The following CSMD2 variants were observed in gnomAD, a reference collection of about 807,000 sequenced individuals.
CSMD2 encodes CUB and Sushi multiple domains 2, also known as CUB and sushi domain-containing protein 2.
A neutral mutation model predicts 398.5 loss-of-function variants in CSMD2; 130 were observed. The observed-to-expected ratio is 0.33, with a 90% CI of 0.28 to 0.38. CSMD2 has a LOEUF of 0.38. Among genes scored for constraint, CSMD2 ranks in the 10% least tolerant of loss-of-function variants. CSMD2 has a pLI of 1.00. For missense variants in CSMD2, 3,829 were observed against 4,764.9 expected (o/e 0.80, Z 5.78); for synonymous variants, 1,828 against 1,908.5 (o/e 0.96, Z 1.10).
At chr1:33,768,492 C>T (rs902144204) in intron 13 of CSMD2, among the ~76,000 whole-genome samples, 4 of 151,664 alleles carry the variant, frequency 2.6e-5, no homozygotes, top group African/African-American at 9.7e-5. Context: ...AGACCAGATT[C>T]TTGCAGATCC....
intron 7 of CSMD2, among the ~76,000 whole-genome samples, chr1:33,823,378 G>A (rs1171084446): frequency 8.3e-6 from 1 of 120,438 alleles, no homozygotes; most frequent in South Asian, 3.2e-4. Context: ...GAGGCAAGAA[G>A]TGTTTCTCCC....
chr1:33,757,504 C>A (rs1649203178), intron 13 of CSMD2, among the ~76,000 whole-genome samples: 1 of 152,110 alleles, frequency 6.6e-6, no homozygotes, highest in African/African-American at 2.4e-5. Context: ...GCCCTTCCAT[C>A]ACCCAGGTAT....
chr1:33,587,782 G>A (rs1320771479), intron 44 of CSMD2, among the ~76,000 whole-genome samples: 2 of 152,208 alleles, frequency 1.3e-5, no homozygotes, highest in African/African-American at 4.8e-5. Context: ...TATGGGCAGA[G>A]ACTGGATGAT....
chr1:33,535,296 G>A (rs1037166618), intron 62 of CSMD2, among the ~76,000 whole-genome samples: 1 of 152,108 alleles, frequency 6.6e-6, no homozygotes, highest in African/African-American at 2.4e-5. Context: ...ACACCCCTCC[G>A]TAGTAATGGC....
rs1391645840 is a variant in CSMD2, at chr1:33,572,552, C to A, written c.7716G>T (p.Leu2572=). 1.2e-6 allele frequency: 2 copies of A among 1,613,962 alleles called. No homozygotes were observed. ...TGCGGTTGCTCCATAGGCCTGTGTC[C>A]AGACACTCTGCAGTGGCCTCAGCGC... The part of the protein sequence containing the change: ...QAGAEATAEC[L]DTGLWSNRNV... Residue 2572 remains leucine, a synonymous_variant, in exon 50 of 71, where the codon CTG becomes CTT. Transcript: ENST00000373381.
At chr1:33,685,328 G>C (rs1645031555) in intron 25 of CSMD2, among the ~76,000 whole-genome samples, 1 of 152,146 alleles carries the variant, frequency 6.6e-6, no homozygotes, top group Admixed American at 6.5e-5. Context: ...GCCAGCTTTA[G>C]TCCGTTTTTC....
chr1:34,034,447 A>G (rs1013659289), intron 2 of CSMD2, among the ~76,000 whole-genome samples: 1 of 152,194 alleles, frequency 6.6e-6, no homozygotes, highest in East Asian at 1.9e-4. Context: ...CTACTACAAT[A>G]TAAGCTTGAG....
At chr1:33,557,232 T>C (rs1364348879) in intron 55 of CSMD2, among the ~76,000 whole-genome samples, 2 of 152,180 alleles carry the variant, frequency 1.3e-5, no homozygotes, top group Non-Finnish European at 2.9e-5. Flanking sequence ...ACTGACGCTC[T>C]GAGAGGTTAG....
intron 12 of CSMD2, among the ~76,000 whole-genome samples, chr1:33,780,114 T>C (rs1652526367): frequency 6.6e-6 from 1 of 152,148 alleles, no homozygotes; most frequent in South Asian, 2.1e-4. Flanking sequence ...ATCCTGTGGG[T>C]TGTCAGCTCC....
chr1:33,578,985 A>G (rs1398595998), intron 48 of CSMD2, among the ~76,000 whole-genome samples: 3 of 152,220 alleles, frequency 2.0e-5, no homozygotes, highest in Non-Finnish European at 4.4e-5. Context: ...GTTGTAAAAT[A>G]TACTTAGTCA....
chr1:33,645,351 A>G (rs2148944892), intron 29 of CSMD2, among the ~76,000 whole-genome samples: 1 of 78,950 alleles, frequency 1.3e-5, no homozygotes, highest in East Asian at 4.9e-4. Flanking sequence ...TTATACACAC[A>G]CACACACACA....
chr1:33,756,928 C>G (rs1011607423), intron 13 of CSMD2, among the ~76,000 whole-genome samples: 1 of 152,086 alleles, frequency 6.6e-6, no homozygotes, highest in Non-Finnish European at 1.5e-5. Flanking sequence ...CAATGATAGA[C>G]TGGATTAAGA....
At chr1:33,807,382 C>T (rs1656350380) in intron 10 of CSMD2, among the ~76,000 whole-genome samples, 2 of 152,080 alleles carry the variant, frequency 1.3e-5, no homozygotes, top group East Asian at 3.9e-4. Flanking sequence ...GCACATGTAC[C>T]CCCGAATCTA....
intron 2 of CSMD2, among the ~76,000 whole-genome samples, chr1:34,050,898 TCCAGAGGCTAGCATATGCTATGCTAGC>T (rs1400260144): frequency 2.0e-5 from 3 of 151,184 alleles, no homozygotes; most frequent in East Asian, 3.9e-4. Flanking sequence ...GCTATGCAAG[TCCAGAGGCTAGCATATGCTATGCTAGC>T]CCAGAGGTCT....
In CSMD2 at chr1:33,759,742, G is replaced by A. The variant is rs1649571383; in HGVS notation, c.1846+12827C>T. 2.6e-5 allele frequency among the ~76,000 whole-genome samples: 4 copies of A among 152,138 alleles called. No individual in the cohort carries two copies. The South Asian group carries it at 8.3e-4, about 32-fold the overall frequency. ...CATGGCATTCAAATCAATCACTGAG[G>A]CCCAATTCCTTTCTTGGCATGAGGT... is the stretch of plus-strand genomic sequence containing the variant. On this transcript the variant is annotated intron_variant, in intron 13 of 70. Coordinates refer to ENST00000373381, the MANE Select transcript of CSMD2 (RefSeq NM_001281956.2).
At chr1:33,563,203 T>C (rs1187298251) in intron 53 of CSMD2, among the ~76,000 whole-genome samples, 1 of 152,164 alleles carries the variant, frequency 6.6e-6, no homozygotes, top group Non-Finnish European at 1.5e-5. Flanking sequence ...GGGTCTGGCA[T>C]ATAGTAGATG....
At chr1:33,690,313 C>T (rs1464864235) in intron 25 of CSMD2, among the ~76,000 whole-genome samples, 1 of 152,166 alleles carries the variant, frequency 6.6e-6, no homozygotes, top group Non-Finnish European at 1.5e-5. Flanking sequence ...CCACCTTCCT[C>T]CTTGGCTACC....
intron 10 of CSMD2, among the ~76,000 whole-genome samples, chr1:33,800,290 G>C (rs1481205476): frequency 6.6e-6 from 1 of 152,148 alleles, no homozygotes; most frequent in African/African-American, 2.4e-5. Context: ...TAACTCCTGG[G>C]GTGAGGAGGA....
At chr1:33,647,893 A>G (rs1301064926) in intron 28 of CSMD2, among the ~76,000 whole-genome samples, 1 of 152,234 alleles carries the variant, frequency 6.6e-6, no homozygotes, top group African/African-American at 2.4e-5. Flanking sequence ...GAAAAAAATT[A>G]ATCTTGTTTG....
Sources: gnomAD v4.1 joint callset for allele counts (sites outside exome capture counted in the v4.1 genomes callset) on GRCh38, gnomAD v4.1.1 for gene constraint, MANE v1.5 for transcripts, NCBI Gene and HGNC (gene_info 2026-07-23, HGNC 2026-07-21) for gene names.